Variants in IL1RAPL1 observed in about 807,000 individuals in gnomAD.
IL1RAPL1 encodes interleukin 1 receptor accessory protein like 1.
In IL1RAPL1, 3 loss-of-function variants were observed where a neutral mutation model predicts 48.4. That is an observed-to-expected ratio of 0.06 (90% confidence interval 0.03 to 0.16). The LOEUF is 0.16. Ranked by LOEUF, IL1RAPL1 falls within the 10% of genes least tolerant of loss-of-function variation. The pLI is 1.00. For synonymous variants in IL1RAPL1, 185 were observed against 187.7 expected (o/e 0.99, Z 0.12); for missense variants, 349 against 530.6 (o/e 0.66, Z 3.36).
chrX:29,783,110 T>A (rs1929398327), intron 6 of IL1RAPL1, among the ~76,000 whole-genome samples: 1 of 108,103 alleles, frequency 9.3e-6, no homozygotes, highest in Admixed American at 9.9e-5. Context: ...TTCACCGTTT[T>A]AGCCGGGATG....
chrX:28,942,376 A>T (rs1347916963), intron 2 of IL1RAPL1: 1 of 109,805 alleles, frequency 9.1e-6, no homozygotes, highest in Non-Finnish European at 1.9e-5. Context: ...AAATGAATAT[A>T]TACAATGTAA....
At position 29,218,220 on chromosome X, in the gene IL1RAPL1, C is replaced by A. The variant is rs761623435; in HGVS notation, c.83-64718C>A. 7.1e-5 allele frequency among the ~76,000 whole-genome samples: 8 copies of A among 111,930 alleles called. No homozygotes were observed. In the South Asian group the frequency reaches 2.9e-3, roughly 41 times the overall value. On this transcript the variant is annotated intron_variant, in intron 2 of 10. Transcript: ENST00000378993. Reference sequence around the variant, plus strand: ...GTATGATAAGTTTTTATATAAATATCAACCTGGACACATCCGGTATAATTT... The same window carrying A: ...GTATGATAAGTTTTTATATAAATATAAACCTGGACACATCCGGTATAATTT...
chrX:29,178,799 C>G (rs1210878420), intron 2 of IL1RAPL1, among the ~76,000 whole-genome samples: 3 of 111,936 alleles, frequency 2.7e-5, no homozygotes, highest in South Asian at 3.7e-4. Flanking sequence ...GATCCAGTTT[C>G]AGCTTTCTAC....
intron 5 of IL1RAPL1, among the ~76,000 whole-genome samples, chrX:29,454,083 C>T (rs1414569507): frequency 8.9e-6 from 1 of 112,081 alleles, no homozygotes; most frequent in Admixed American, 9.5e-5. Flanking sequence ...AAATGCTCAG[C>T]GCATTATTTA....
At chrX:29,075,873 A>G (rs1394110894) in intron 2 of IL1RAPL1, among the ~76,000 whole-genome samples, 1 of 112,017 alleles carries the variant, frequency 8.9e-6, no homozygotes, top group Non-Finnish European at 1.9e-5. Flanking sequence ...CTTTCTCTCT[A>G]CTTGTACCTA....
intron 5 of IL1RAPL1, among the ~76,000 whole-genome samples, chrX:29,527,494 C>T (rs543055319): frequency 9.3e-6 from 1 of 107,896 alleles, no homozygotes; most frequent in African/African-American, 3.4e-5. Flanking sequence ...CGTGCCACCA[C>T]GCCCAGCTAA....
chrX:29,080,994 T>TTCTTTCTCTCTCTC (rs1569232789), intron 2 of IL1RAPL1, among the ~76,000 whole-genome samples: 26 of 26,433 alleles, frequency 9.8e-4, no homozygotes, highest in Admixed American at 7.7e-3. Flanking sequence ...CTTTCTTTCT[T>TTCTTTCTCTCTCTC]TCTCTCTCTC....
At chrX:29,292,221 C>CAGAAATTGTTTTTTCCAAAT (rs1932381189) in intron 3 of IL1RAPL1, among the ~76,000 whole-genome samples, 1 of 111,777 alleles carries the variant, frequency 8.9e-6, no homozygotes, top group Non-Finnish European at 1.9e-5. Context: ...TTTCTGATTC[C>CAGAAATTGTTTTTTCCAAAT]TATCATTTTC....
At chrX:29,026,310 C>G (rs1344504059) in intron 2 of IL1RAPL1, among the ~76,000 whole-genome samples, 2 of 112,139 alleles carry the variant, frequency 1.8e-5, no homozygotes, top group African/African-American at 6.5e-5. Flanking sequence ...GTAACAAATT[C>G]TAAAAGCCAT....
chrX:28,929,714 A>G (rs1923831927), intron 2 of IL1RAPL1, among the ~76,000 whole-genome samples: 1 of 112,125 alleles, frequency 8.9e-6, no homozygotes, highest in Non-Finnish European at 1.9e-5. Context: ...TTTGCACAAT[A>G]AATATTTACC....
chrX:29,951,429 T>TG (rs1427656840), intron 9 of IL1RAPL1, among the ~76,000 whole-genome samples: 2 of 111,882 alleles, frequency 1.8e-5, no homozygotes, highest in Non-Finnish European at 3.8e-5. Context: ...GCCACAGATA[T>TG]TTTTTAAGCC....
At chrX:29,854,335 C>T (rs1052250566) in intron 6 of IL1RAPL1, among the ~76,000 whole-genome samples, 2 of 111,827 alleles carry the variant, frequency 1.8e-5, no homozygotes, top group Non-Finnish European at 3.8e-5. Context: ...GAAGGAGTGG[C>T]CTGACCTGGG....
intron 2 of IL1RAPL1, among the ~76,000 whole-genome samples, chrX:29,072,445 T>C (rs1927585311): frequency 1.8e-5 from 2 of 111,953 alleles, no homozygotes; most frequent in Non-Finnish European, 3.8e-5. Flanking sequence ...TTTTATCTGC[T>C]CTAAACTCAT....
intron 6 of IL1RAPL1, among the ~76,000 whole-genome samples, chrX:29,892,993 A>G (rs1039322372): frequency 8.9e-5 from 10 of 111,927 alleles, no homozygotes; most frequent in Non-Finnish European, 1.9e-4. Flanking sequence ...TCATTTGTAG[A>G]AGACTAGTTC....
chrX:29,092,162 T>C (rs755671349), intron 2 of IL1RAPL1, among the ~76,000 whole-genome samples: 35 of 112,032 alleles, frequency 3.1e-4, no homozygotes, highest in Non-Finnish European at 5.1e-4. Flanking sequence ...TGACTGCTAC[T>C]GATTAGTAAT....
intron 6 of IL1RAPL1, among the ~76,000 whole-genome samples, chrX:29,755,846 A>T (rs1424435549): frequency 8.9e-6 from 1 of 112,143 alleles, no homozygotes; most frequent in Admixed American, 9.5e-5. Context: ...TTATTTTTAA[A>T]TTCTTTCAAA....
chrX:29,437,850 G>A (rs902885154), intron 5 of IL1RAPL1, among the ~76,000 whole-genome samples: 6 of 110,097 alleles, frequency 5.4e-5, no homozygotes. Flanking sequence ...TTGTGTTTCT[G>A]TCAATGAGGG....
At chrX:29,453,879 A>G (rs1229722170) in intron 5 of IL1RAPL1, among the ~76,000 whole-genome samples, 1 of 112,647 alleles carries the variant, frequency 8.9e-6, no homozygotes, top group Non-Finnish European at 1.9e-5. Context: ...GTTTCAAAGA[A>G]TATACATTCC....
At chrX:28,894,093 T>A (rs111688502) in intron 2 of IL1RAPL1, among the ~76,000 whole-genome samples, 1 of 112,108 alleles carries the variant, frequency 8.9e-6, no homozygotes, top group African/African-American at 3.2e-5. Flanking sequence ...GAAGCGTTTT[T>A]TTATTAAAGA....
Sources: allele counts gnomAD v4.1 joint callset (sites outside exome capture counted in the v4.1 genomes callset), GRCh38; gene constraint gnomAD v4.1.1; transcripts MANE v1.5; gene names NCBI Gene and HGNC (gene_info 2026-07-23, HGNC 2026-07-21).